Variants in UBAP2 observed in about 807,000 individuals in gnomAD.
The protein encoded by UBAP2 is ubiquitin-associated protein 2.
A neutral mutation model predicts 139.6 loss-of-function variants in UBAP2; 75 were observed. The observed-to-expected ratio is 0.54, with a 90% CI of 0.45 to 0.65. The LOEUF is 0.65. UBAP2 is among the 30% of genes least tolerant of loss of function. UBAP2 has a pLI of 0.00. For synonymous variants in UBAP2, 526 were observed against 526.2 expected, an observed-to-expected ratio of 1.00 and a Z score of 0.01; for missense variants, 1,368 against 1,369.6, an observed-to-expected ratio of 1.00 and a Z score of 0.02.
At chr9:33,948,163 C>A (rs1825802037) in intron 13 of UBAP2, among the ~76,000 whole-genome samples, 1 of 152,078 alleles carries the variant, frequency 6.6e-6, no homozygotes, top group East Asian at 1.9e-4. Context: ...TTACTACCAA[C>A]AATAATGAAA....
chr9:33,971,095 G>A (rs1025859624), intron 8 of UBAP2, among the ~76,000 whole-genome samples: 4 of 152,048 alleles, frequency 2.6e-5, no homozygotes, highest in African/African-American at 7.2e-5. Flanking sequence ...GAGCCACCGC[G>A]CCCAGCTAAA....
chr9:33,974,342 A>G (rs544393489), intron 6 of UBAP2, among the ~76,000 whole-genome samples: 1 of 152,176 alleles, frequency 6.6e-6, no homozygotes, highest in South Asian at 2.1e-4. Context: ...CCTTGTCTCT[A>G]CAAAAAATAC....
intron 19 of UBAP2, among the ~76,000 whole-genome samples, chr9:33,930,412 G>GCTTAAATAAC (rs1013639992): frequency 1.3e-5 from 2 of 152,062 alleles, no homozygotes; most frequent in African/African-American, 2.4e-5. Context: ...ATGGACGGCT[G>GCTTAAATAAC]CTTAAATAAC....
intron 8 of UBAP2, chr9:33,968,006 C>T: frequency 2.9e-6 from 1 of 347,314 alleles, no homozygotes; most frequent in South Asian, 2.8e-5. Context: ...TGGATTGGTA[C>T]AGCCTTTAAA....
At chr9:33,989,857 T>C (rs1191645868) in intron 4 of UBAP2, among the ~76,000 whole-genome samples, 1 of 152,168 alleles carries the variant, frequency 6.6e-6, no homozygotes, top group East Asian at 1.9e-4. Context: ...CCTTGCCTGT[T>C]CCATTATTCA....
At position 34,009,542 on chromosome 9, in the gene UBAP2, T is replaced by C. The variant is rs539185259; in HGVS notation, c.99+7508A>G. ...CCCAAAGTGTTGAGATTACAGGTGTTAGCCACCATGTCCCGGTTCAAAATG... is the reference window on the plus strand; with the variant it reads ...CCCAAAGTGTTGAGATTACAGGTGTCAGCCACCATGTCCCGGTTCAAAATG... On this transcript the variant is annotated intron_variant, in intron 2 of 28. Transcript: ENST00000379238. Among the ~76,000 whole-genome samples the C allele has an allele frequency of 1.8e-3, 281 of 152,138 alleles. 2 individuals are homozygous for C. The highest frequency in any genetic ancestry group is 3.1e-3 in the Non-Finnish European group (211 of 67,996).
chr9:33,978,281 C>G (rs1485604910), intron 6 of UBAP2, among the ~76,000 whole-genome samples: 3 of 151,830 alleles, frequency 2.0e-5, no homozygotes, highest in Non-Finnish European at 4.4e-5. Context: ...TGTCTGTAAT[C>G]CCAGCACCTT....
At chr9:33,937,064 T>C (rs1470740195) in intron 16 of UBAP2, among the ~76,000 whole-genome samples, 1 of 150,224 alleles carries the variant, frequency 6.7e-6, no homozygotes, top group Non-Finnish European at 1.5e-5. Context: ...ACTAAATATT[T>C]AAGGTAGGAA....
At chr9:34,012,854 T>A (rs1390370080) in intron 2 of UBAP2, among the ~76,000 whole-genome samples, 1 of 149,280 alleles carries the variant, frequency 6.7e-6, no homozygotes. Flanking sequence ...TTTTTTTTTT[T>A]AAATTGAGGT....
At chr9:33,957,037 C>T (rs1050084422) in intron 10 of UBAP2, among the ~76,000 whole-genome samples, 9 of 150,962 alleles carry the variant, frequency 6.0e-5, no homozygotes, top group African/African-American at 2.2e-4. Flanking sequence ...TGCCGTGAGC[C>T]ATGATCACAC....
chr9:33,962,156 CA>C (rs1336233509), intron 9 of UBAP2, among the ~76,000 whole-genome samples: 4 of 151,996 alleles, frequency 2.6e-5, no homozygotes, highest in African/African-American at 9.7e-5. Context: ...AGGAGAAAAA[CA>C]ATGATGAAAC....
chr9:34,030,951 A>G (rs1021308522), intron 1 of UBAP2, among the ~76,000 whole-genome samples: 1 of 151,758 alleles, frequency 6.6e-6, no homozygotes, highest in Non-Finnish European at 1.5e-5. Flanking sequence ...CTAAAAATAA[A>G]AATAAAATAA....
chr9:33,996,777 C>T (rs1014623283), intron 3 of UBAP2: 1 of 160,044 alleles, frequency 6.2e-6, no homozygotes, highest in African/African-American at 2.4e-5. Flanking sequence ...TGCTGGCTTT[C>T]ACCATTTGGA....
chr9:33,993,532 CG>C (rs1480446073), intron 4 of UBAP2, among the ~76,000 whole-genome samples: 1 of 152,090 alleles, frequency 6.6e-6, no homozygotes, highest in East Asian at 1.9e-4. Context: ...ATTAGCCAAG[CG>C]TAGTGGCATG....
At chr9:34,036,982 ATTTTTTTTTTT>A (rs141751803) in intron 1 of UBAP2, among the ~76,000 whole-genome samples, 1 of 57,434 alleles carries the variant, frequency 1.7e-5, no homozygotes, top group Non-Finnish European at 3.1e-5. Context: ...ACACCCAGCT[ATTTTTTTTTTT>A]TTTTTTTTTT....
intron 4 of UBAP2, among the ~76,000 whole-genome samples, chr9:33,992,392 A>AC (rs1248285867): frequency 2.7e-5 from 4 of 147,384 alleles, no homozygotes; most frequent in African/African-American, 1.0e-4. Context: ...TCCATCTCAA[A>AC]AAAAAAAAAA....
At chr9:33,948,715 A>T in intron 12 of UBAP2, 128 bp from the exon 13 acceptor site, 1 of 689,122 alleles carries the variant, frequency 1.5e-6, no homozygotes, top group Non-Finnish European at 2.3e-6. Context: ...TTACTAAAAT[A>T]TAACTTAGAA....
chr9:34,017,308 G>C, intron 1 of UBAP2, 119 bp from the exon 2 acceptor site: 1 of 462,064 alleles, frequency 2.2e-6, no homozygotes, highest in East Asian at 3.5e-5. Context: ...AAATTCTCAA[G>C]AAGTAGCCCT....
intron 8 of UBAP2, among the ~76,000 whole-genome samples, chr9:33,967,152 T>C (rs1392077993): frequency 6.6e-6 from 1 of 152,242 alleles, no homozygotes; most frequent in Non-Finnish European, 1.5e-5. Context: ...GCAATTTTTT[T>C]CCATTTTCTG....
Sources: allele counts gnomAD v4.1 joint callset (sites outside exome capture counted in the v4.1 genomes callset), GRCh38; gene constraint gnomAD v4.1.1; transcripts MANE v1.5; gene names NCBI Gene and HGNC (gene_info 2026-07-23, HGNC 2026-07-21).